Variants in NKAIN2 observed in about 807,000 individuals in gnomAD.
NKAIN2 encodes sodium/potassium transporting ATPase interacting 2.
NKAIN2 carries 14 observed loss-of-function variants against 32.6 expected under a neutral mutation model. That is an observed-to-expected ratio of 0.43 (90% CI 0.28 to 0.67). The LOEUF is 0.67. Ranked by LOEUF, NKAIN2 falls within the 30% of genes least tolerant of loss-of-function variation. The pLI, the probability that NKAIN2 is intolerant of heterozygous loss-of-function variation, is 0.17. For synonymous variants in NKAIN2, 80 were observed against 87.2 expected (o/e 0.92, Z 0.46); for missense variants, 198 against 258.3 (o/e 0.77, Z 1.60).
chr6:124,196,302 G>T (rs1458262287), intron 1 of NKAIN2, among the ~76,000 whole-genome samples: 1 of 151,990 alleles, frequency 6.6e-6, no homozygotes, highest in Non-Finnish European at 1.5e-5. Flanking sequence ...CAATAACAAA[G>T]AACATACATT....
intron 3 of NKAIN2, among the ~76,000 whole-genome samples, chr6:124,492,950 G>T (rs1777922352): frequency 6.6e-6 from 1 of 151,850 alleles, no homozygotes; most frequent in Non-Finnish European, 1.5e-5. Flanking sequence ...GCAGAACTGG[G>T]TCTGTGCACT....
chr6:123,986,958 GA>G (rs1779165198), intron 1 of NKAIN2, among the ~76,000 whole-genome samples: 1 of 152,156 alleles, frequency 6.6e-6, no homozygotes, highest in African/African-American at 2.4e-5. Context: ...ACACTTTAGC[GA>G]TATATAGGAG....
intron 3 of NKAIN2, among the ~76,000 whole-genome samples, chr6:124,438,501 A>T (rs1562185077): frequency 1.3e-5 from 2 of 152,170 alleles, no homozygotes; most frequent in Admixed American, 6.6e-5. Flanking sequence ...CTTCTGAGAG[A>T]TAGAGATAGA....
At chr6:124,613,947 A>T (rs377085648) in intron 3 of NKAIN2, among the ~76,000 whole-genome samples, 1 of 152,190 alleles carries the variant, frequency 6.6e-6, no homozygotes, top group Non-Finnish European at 1.5e-5. Context: ...CTTCATTGCT[A>T]TAGTAATTTT....
intron 1 of NKAIN2, among the ~76,000 whole-genome samples, chr6:123,863,813 T>G (rs2114982767): frequency 6.6e-6 from 1 of 152,336 alleles, no homozygotes; most frequent in South Asian, 2.1e-4. Context: ...TCCTGTCCAC[T>G]TTGACCCTTT....
Position 124,470,272 on chromosome 6 carries a change from G to A in NKAIN2, c.273+114925G>A, listed in dbSNP as rs372723729. ...GAGAAGACTGCAGGAGCCTGGCCAG[G>A]CAGAGCTGTGGAAGCCTCATAAGGG... On this transcript the variant is annotated intron_variant, in intron 3 of 6. Transcript: ENST00000368417. Among the ~76,000 whole-genome samples, 4 of 152,194 alleles carry A rather than the reference G, an allele frequency of 2.6e-5. No individual in the cohort carries two copies. In the East Asian group the frequency reaches 5.8e-4, roughly 22 times the overall value.
At chr6:124,640,902 C>T (rs972727429) in intron 3 of NKAIN2, among the ~76,000 whole-genome samples, 2 of 151,998 alleles carry the variant, frequency 1.3e-5, no homozygotes, top group East Asian at 3.9e-4. Flanking sequence ...TTCCATCTTT[C>T]TTCCTTGTTT....
At chr6:124,586,689 G>A (rs906118567) in intron 3 of NKAIN2, among the ~76,000 whole-genome samples, 1 of 151,730 alleles carries the variant, frequency 6.6e-6, no homozygotes, top group Non-Finnish European at 1.5e-5. Flanking sequence ...TCCACTCCTA[G>A]ATATTTTCCT....
intron 4 of NKAIN2, among the ~76,000 whole-genome samples, chr6:124,716,764 T>C (rs1267983746): frequency 1.3e-5 from 2 of 150,842 alleles, no homozygotes; most frequent in South Asian, 4.2e-4. Flanking sequence ...TTTTTCTCCA[T>C]TGTGCTTATG....
chr6:124,051,574 C>T (rs1782401820), intron 1 of NKAIN2, among the ~76,000 whole-genome samples: 1 of 151,986 alleles, frequency 6.6e-6, no homozygotes, highest in Non-Finnish European at 1.5e-5. Context: ...TCCCTCCCCG[C>T]TCCCCCGACC....
At chr6:124,411,281 G>T (rs558740660) in intron 3 of NKAIN2, among the ~76,000 whole-genome samples, 8 of 151,986 alleles carry the variant, frequency 5.3e-5, no homozygotes, top group African/African-American at 1.9e-4. Context: ...TAGCCTTGAT[G>T]GTCTTTACAA....
chr6:124,391,941 T>C (rs1295741215), intron 3 of NKAIN2, among the ~76,000 whole-genome samples: 6 of 152,128 alleles, frequency 3.9e-5, no homozygotes, highest in Admixed American at 3.9e-4. Flanking sequence ...TGTATGAAAC[T>C]GGAATCTCCA....
At chr6:124,117,490 A>G (rs1785669979) in intron 1 of NKAIN2, among the ~76,000 whole-genome samples, 1 of 152,156 alleles carries the variant, frequency 6.6e-6, no homozygotes, top group Admixed American at 6.6e-5. Flanking sequence ...ATAATTCCAT[A>G]TTGGCATCAT....
At chr6:124,801,237 C>T (rs529777923) in intron 5 of NKAIN2, among the ~76,000 whole-genome samples, 3 of 152,152 alleles carry the variant, frequency 2.0e-5, no homozygotes, top group Non-Finnish European at 4.4e-5. Context: ...GGAAATAACT[C>T]CTTTACACTA....
chr6:124,058,052 T>C (rs1185225622), intron 1 of NKAIN2, among the ~76,000 whole-genome samples: 2 of 152,220 alleles, frequency 1.3e-5, no homozygotes, highest in East Asian at 3.9e-4. Flanking sequence ...GTTATATTTC[T>C]ACCTAGAAAG....
At chr6:123,906,902 A>G (rs1774905100) in intron 1 of NKAIN2, among the ~76,000 whole-genome samples, 1 of 152,222 alleles carries the variant, frequency 6.6e-6, no homozygotes. Flanking sequence ...GTTAATACAT[A>G]CATACCACAA....
At chr6:124,290,517 T>A (rs1462039919) in intron 2 of NKAIN2, among the ~76,000 whole-genome samples, 2 of 118,016 alleles carry the variant, frequency 1.7e-5, no homozygotes, top group Admixed American at 1.7e-4. Flanking sequence ...GAAATGTGTG[T>A]GTGTGTGTGT....
At chr6:124,181,040 G>A (rs537486492) in intron 1 of NKAIN2, among the ~76,000 whole-genome samples, 28 of 152,296 alleles carry the variant, frequency 1.8e-4, no homozygotes, top group Admixed American at 3.9e-4. Flanking sequence ...CCTCAGCCTG[G>A]ACATCCAAGC....
At chr6:124,677,699 T>G (rs1167340304) in intron 4 of NKAIN2, among the ~76,000 whole-genome samples, 1 of 152,186 alleles carries the variant, frequency 6.6e-6, no homozygotes, top group Non-Finnish European at 1.5e-5. Context: ...TAGTTATTTT[T>G]GTAATTTTGT....
Sources: allele counts gnomAD v4.1 joint callset (sites outside exome capture counted in the v4.1 genomes callset), GRCh38; gene constraint gnomAD v4.1.1; transcripts MANE v1.5; gene names NCBI Gene and HGNC (gene_info 2026-07-23, HGNC 2026-07-21).